YTHDF3: variants seen among roughly 807,000 people sequenced by gnomAD.
The protein encoded by YTHDF3 is YTH N6-methyladenosine RNA binding protein F3.
In YTHDF3, 9 loss-of-function variants were observed where a neutral mutation model predicts 52.5. That is an observed-to-expected ratio of 0.17 (90% confidence interval 0.10 to 0.30). The LOEUF (loss-of-function observed/expected upper bound fraction) is 0.30. Ranked by LOEUF, YTHDF3 falls within the 10% of genes least tolerant of loss-of-function variation. YTHDF3 has a pLI of 1.00. For missense variants in YTHDF3, 534 were observed against 715.0 expected (o/e 0.75, Z 2.89); for synonymous variants, 274 against 243.3 (o/e 1.13, Z -1.18).
At chr8:63,202,617 A>G (rs1809712790) in intron 4 of YTHDF3, among the ~76,000 whole-genome samples, 1 of 151,972 alleles carries the variant, frequency 6.6e-6, no homozygotes, top group African/African-American at 2.4e-5. Flanking sequence ...GCCCGCCACC[A>G]CACCCAGCTA....
intron 4 of YTHDF3, among the ~76,000 whole-genome samples, chr8:63,198,069 T>C (rs1563409839): frequency 1.3e-5 from 2 of 152,200 alleles, no homozygotes. Flanking sequence ...TTTCAAATCA[T>C]GGCATTACCT....
intron 3 of YTHDF3, among the ~76,000 whole-genome samples, chr8:63,178,871 A>T (rs1807878809): frequency 6.6e-6 from 1 of 152,216 alleles, no homozygotes; most frequent in Non-Finnish European, 1.5e-5. Flanking sequence ...TGAAAACTGG[A>T]TTTATTGATG....
At chr8:63,202,601 A>G (rs1158078979) in intron 4 of YTHDF3, among the ~76,000 whole-genome samples, 1 of 151,878 alleles carries the variant, frequency 6.6e-6, no homozygotes, top group Non-Finnish European at 1.5e-5. Flanking sequence ...AGCTGGGATT[A>G]CAGGTGCCCG....
At chr8:63,179,063 G>A (rs946021380) in intron 3 of YTHDF3, among the ~76,000 whole-genome samples, 1 of 152,084 alleles carries the variant, frequency 6.6e-6, no homozygotes, top group Non-Finnish European at 1.5e-5. Flanking sequence ...AAATTGCTTT[G>A]TATACTTAGA....
At chr8:63,176,159 T>C (rs143193368) in intron 3 of YTHDF3, among the ~76,000 whole-genome samples, 11 of 152,344 alleles carry the variant, frequency 7.2e-5, no homozygotes, top group Admixed American at 6.5e-4. Flanking sequence ...AATGAAAAAA[T>C]ACATTTTCAG....
intron 4 of YTHDF3, among the ~76,000 whole-genome samples, chr8:63,190,467 TTAA>T (rs1192183971): frequency 6.6e-6 from 1 of 152,198 alleles, no homozygotes; most frequent in East Asian, 1.9e-4. Flanking sequence ...GATTTAAACT[TTAA>T]TATTACCCTT....
Position 63,187,669 on chromosome 8 carries a change from T to G in YTHDF3, c.1658T>G (p.Phe553Cys). ...AKQVLKIIAT[F>C]KHTTSIFDDF... is the part of the protein sequence containing the mutation. ...CAAGTGCTTAAAATAATTGCTACTT[T>G]CAAGCATACCACCTCAATCTTTGAT... The change falls in exon 4 of 5, where the codon TTC becomes TGC. Residue 553 changes from phenylalanine to cysteine, a missense_variant. By Grantham distance (205) the Phe-to-Cys change is radical (BLOSUM62 -2). Coordinates refer to ENST00000539294, the MANE Select transcript of YTHDF3 (RefSeq NM_152758.6). The G allele has an allele frequency of 6.2e-7, 1 of 1,611,406 alleles. No individual in the cohort carries two copies. The highest frequency in any genetic ancestry group is 8.5e-7 in the Non-Finnish European group (1 of 1,178,492).
At position 63,187,623 on chromosome 8, in the gene YTHDF3, G is replaced by A. The variant is rs1322236802; in HGVS notation, c.1612G>A (p.Val538Ile). 1.2e-6 allele frequency: 2 copies of A among 1,611,902 alleles called. No individual in the cohort carries two copies. Among genetic ancestry groups the A allele is most frequent in the Non-Finnish European group, 1.7e-6 (2 of 1,178,864 alleles). The change falls in exon 4 of 5, where the codon GTA (valine) becomes ATA (isoleucine). Residue 538 changes from valine (V) to isoleucine (I), a missense_variant. Val to Ile is a conservative substitution (Grantham distance 29, BLOSUM62 3). Transcript: ENST00000539294. Reference sequence around the variant, plus strand: ...TACCAATTCAAGGGACACTCAAGAGGTACCCCTAGAAAAAGCTAAGCAAGT... The same window carrying A: ...TACCAATTCAAGGGACACTCAAGAGATACCCCTAGAAAAAGCTAAGCAAGT... Reference protein sequence around the residue: ...PVTNSRDTQEVPLEKAKQVLK... With the variant: ...PVTNSRDTQEIPLEKAKQVLK...
At position 63,207,517 on chromosome 8, in the gene YTHDF3, G is replaced by A. The variant is rs192328672; in HGVS notation, c.1735-2166G>A. On this transcript the variant is annotated intron_variant, in intron 4 of 4. Transcript: ENST00000539294. ...CTCATTCTTTTTCTGTCCTTTTGGG[G>A]TATTTTCTTTATTCTCCCCTTGTCC... Among the ~76,000 whole-genome samples, 5 of 151,688 alleles carry A rather than the reference G, an allele frequency of 3.3e-5. No individual in the cohort carries two copies. The East Asian group carries it at 7.8e-4, about 24-fold the overall frequency.
rs1807086826 is a variant in YTHDF3, at chr8:63,169,031, C to A, written c.24+130C>A. 1.3e-5 allele frequency: 19 copies of A among 1,453,836 alleles called. No homozygotes were observed. The South Asian group carries it at 2.6e-4, about 20-fold the overall frequency. 90.1% of individuals were successfully genotyped at this position (1,453,836 alleles called of 1,614,324 possible). On this transcript the variant is annotated intron_variant, in intron 1 of 4. Transcript: ENST00000539294. ...ACGGTGCCCCGGGCGCAAGTTGCTGCGGTGTAGCTACCCGGGCCGGGGCGT... is the reference window on the plus strand; with the variant it reads ...ACGGTGCCCCGGGCGCAAGTTGCTGAGGTGTAGCTACCCGGGCCGGGGCGT...
chr8:63,206,556 C>T (rs1037236160), intron 4 of YTHDF3, among the ~76,000 whole-genome samples: 2 of 152,090 alleles, frequency 1.3e-5, no homozygotes, highest in Non-Finnish European at 2.9e-5. Flanking sequence ...AATCCAGGCA[C>T]TTCTTAGTAA....
chr8:63,200,430 T>C (rs1306257578), intron 4 of YTHDF3, among the ~76,000 whole-genome samples: 1 of 152,044 alleles, frequency 6.6e-6, no homozygotes, highest in African/African-American at 2.4e-5. Context: ...TTTTCTTTTT[T>C]TTTTCCTTAT....
At chr8:63,207,612 A>T (rs1466216170) in intron 4 of YTHDF3, among the ~76,000 whole-genome samples, 1 of 152,118 alleles carries the variant, frequency 6.6e-6, no homozygotes, top group South Asian at 2.1e-4. Context: ...TTAGTGATTC[A>T]TTTAAAGTAC....
intron 4 of YTHDF3, among the ~76,000 whole-genome samples, chr8:63,208,000 A>T (rs1810145182): frequency 6.6e-6 from 1 of 152,198 alleles, no homozygotes; most frequent in Non-Finnish European, 1.5e-5. Flanking sequence ...ATTAAACTAC[A>T]GCTTCATGGT....
At chr8:63,172,719 A>T in intron 2 of YTHDF3, 1 of 1,207,460 alleles carries the variant, frequency 8.3e-7, no homozygotes, top group Non-Finnish European at 1.0e-6. Flanking sequence ...CAGAGCAAAG[A>T]ATCACCTGGC....
chr8:63,195,028 G>A (rs561696204), intron 4 of YTHDF3, among the ~76,000 whole-genome samples: 143 of 151,936 alleles, frequency 9.4e-4, no homozygotes, highest in African/African-American at 3.4e-3. Flanking sequence ...TGATTATTTT[G>A]GCAACAGGAG....
chr8:63,197,917 T>G (rs914516620), intron 4 of YTHDF3, among the ~76,000 whole-genome samples: 1 of 152,244 alleles, frequency 6.6e-6, no homozygotes, highest in African/African-American at 2.4e-5. Context: ...GTGAGTCATT[T>G]AAATCCCCCT....
chr8:63,179,941 C>G (rs1376081223), intron 3 of YTHDF3, among the ~76,000 whole-genome samples: 2 of 151,074 alleles, frequency 1.3e-5, no homozygotes, highest in Non-Finnish European at 3.0e-5. Context: ...GCACCCCTCA[C>G]CTCCCGGACG....
chr8:63,172,569 A>T (rs546112639), intron 2 of YTHDF3: 3 of 394,686 alleles, frequency 7.6e-6, no homozygotes, highest in Non-Finnish European at 1.3e-5. Context: ...CTTTACTATC[A>T]TTATTTTAGG....
Sources: gnomAD v4.1 joint callset for allele counts (sites outside exome capture counted in the v4.1 genomes callset) on GRCh38, gnomAD v4.1.1 for gene constraint, MANE v1.5 for transcripts, NCBI Gene and HGNC (gene_info 2026-07-23, HGNC 2026-07-21) for gene names.